AFG2A: variants seen among roughly 807,000 people sequenced by gnomAD.
The protein encoded by AFG2A is AAA ATPase AFG2A, also known as ATPase family gene 2 protein homolog A.
the AFG2A span, among the ~76,000 whole-genome samples, chr4:123,130,884 C>T: frequency 4.6e-5 from 7 of 152,102 alleles, no homozygotes; most frequent in Non-Finnish European, 7.4e-5. Flanking sequence ...AATATATGAG[C>T]ATTCCAGGTG....
At chr4:123,166,618 A>G in the AFG2A span, among the ~76,000 whole-genome samples, 80,304 of 152,060 alleles carry the variant, frequency 0.53, 25,795 homozygotes, top group Non-Finnish European at 0.7. Context: ...GTTTGGATCT[A>G]TGGATTTCGT....
chr4:123,016,276 C>T, the AFG2A span, among the ~76,000 whole-genome samples: 1 of 151,446 alleles, frequency 6.6e-6, no homozygotes, highest in Non-Finnish European at 1.5e-5. Context: ...CCCCCACCTC[C>T]CTCCCGGATG....
chr4:123,067,409 C>G, the AFG2A span, among the ~76,000 whole-genome samples: 1 of 151,726 alleles, frequency 6.6e-6, no homozygotes, highest in Non-Finnish European at 1.5e-5. Flanking sequence ...CCCAGCTACT[C>G]GAGAGGCTGA....
At chr4:122,988,283 G>C in the AFG2A span, among the ~76,000 whole-genome samples, 1 of 149,038 alleles carries the variant, frequency 6.7e-6, no homozygotes, top group South Asian at 2.2e-4. Flanking sequence ...TCTATTTGGA[G>C]TTCTTTAGGC....
At chr4:123,214,565 A>G in the AFG2A span, among the ~76,000 whole-genome samples, 1 of 152,154 alleles carries the variant, frequency 6.6e-6, no homozygotes, top group African/African-American at 2.4e-5. Context: ...AGGAAAAACC[A>G]TGTGGCCTAG....
At chr4:122,935,883 A>G in the AFG2A span, 68 of 1,530,242 alleles carry the variant, frequency 4.4e-5, no homozygotes, top group Middle Eastern at 3.5e-3. Context: ...ACTATTAAAT[A>G]TATTTCTAAA....
the AFG2A span, among the ~76,000 whole-genome samples, chr4:122,948,967 T>A: frequency 3.3e-5 from 5 of 152,168 alleles, no homozygotes; most frequent in African/African-American, 1.2e-4. Context: ...CAAAAAAGAA[T>A]AACAAATATA....
chr4:123,162,240 G>T, the AFG2A span, among the ~76,000 whole-genome samples: 15 of 152,180 alleles, frequency 9.9e-5, no homozygotes, highest in Non-Finnish European at 1.5e-5. Context: ...TGATAAAGGA[G>T]AATTTTAAGG....
chr4:123,220,628 A>AC, the AFG2A span, among the ~76,000 whole-genome samples: 1 of 151,352 alleles, frequency 6.6e-6, no homozygotes, highest in African/African-American at 2.4e-5. Flanking sequence ...AAAAAAAAAA[A>AC]AAAAAAAAAC....
chr4:122,944,362 CCTT>C, the AFG2A span, among the ~76,000 whole-genome samples: 1 of 151,890 alleles, frequency 6.6e-6, no homozygotes, highest in African/African-American at 2.4e-5. Context: ...TCTAAACTTC[CCTT>C]CTTGCTTCAT....
chr4:123,089,869 C>T, the AFG2A span, among the ~76,000 whole-genome samples: 1 of 152,230 alleles, frequency 6.6e-6, no homozygotes, highest in Admixed American at 6.5e-5. Context: ...AGACGTGAGC[C>T]ACTGCGCCTG....
At chr4:123,028,377 G>C in the AFG2A span, 1 of 1,614,090 alleles carries the variant, frequency 6.2e-7, no homozygotes, top group Non-Finnish European at 8.5e-7. Flanking sequence ...AGAGTGGACT[G>C]AATTTTCTAG....
the AFG2A span, chr4:122,935,733 AGT>A: frequency 6.2e-7 from 1 of 1,606,440 alleles, no homozygotes; most frequent in Non-Finnish European, 8.5e-7. Flanking sequence ...CCCCTAGAGG[AGT>A]GTTACTTTAT....
the AFG2A span, among the ~76,000 whole-genome samples, chr4:123,285,938 G>A: frequency 6.6e-6 from 1 of 152,146 alleles, no homozygotes; most frequent in Non-Finnish European, 1.5e-5. Flanking sequence ...AGGTGGTAGT[G>A]CTAATAGTGC....
the AFG2A span, among the ~76,000 whole-genome samples, chr4:123,292,617 CAA>C: frequency 2.0e-5 from 3 of 152,096 alleles, no homozygotes; most frequent in Non-Finnish European, 2.9e-5. Flanking sequence ...CTTTCAGTGG[CAA>C]AGACTTTCCA....
chr4:123,134,841 GCTAATA>G, the AFG2A span, among the ~76,000 whole-genome samples: 1 of 152,022 alleles, frequency 6.6e-6, no homozygotes, highest in Non-Finnish European at 1.5e-5. Context: ...TTAAAGAAGG[GCTAATA>G]CTAATCCTCC....
chr4:123,003,259 T>G, the AFG2A span, among the ~76,000 whole-genome samples: 12 of 152,364 alleles, frequency 7.9e-5, no homozygotes, highest in East Asian at 3.9e-4. Flanking sequence ...AATTTCCTCC[T>G]GTAGCTCGGA....
the AFG2A span, among the ~76,000 whole-genome samples, chr4:123,069,298 T>C: frequency 2.0e-5 from 3 of 152,194 alleles, no homozygotes; most frequent in Non-Finnish European, 2.9e-5. Context: ...GTCACACTTA[T>C]TTTATTGTAG....
the AFG2A span, among the ~76,000 whole-genome samples, chr4:123,154,542 A>G: frequency 4.6e-5 from 7 of 151,996 alleles, no homozygotes; most frequent in Admixed American, 4.6e-4. Context: ...TTTTAAGAGT[A>G]AAAACTGTCT....
Sources: allele counts gnomAD v4.1 joint callset (sites outside exome capture counted in the v4.1 genomes callset), GRCh38; gene constraint gnomAD v4.1.1; transcripts MANE v1.5; gene names NCBI Gene and HGNC (gene_info 2026-07-23, HGNC 2026-07-21).